The following IMPG1 variants were observed in gnomAD, a reference collection of about 807,000 sequenced individuals.
IMPG1 encodes interphotoreceptor matrix proteoglycan 1, also known as interphotoreceptor matrix proteoglycan of 150 kDa.
Under a neutral mutation model 92.0 loss-of-function variants are expected in IMPG1, and 85 were observed. That is an observed-to-expected ratio of 0.92 (90% confidence interval 0.78 to 1.11). The LOEUF (loss-of-function observed/expected upper bound fraction) is 1.11, where lower values mean the gene tolerates loss of function less well. Among genes scored for constraint, IMPG1 ranks in the 50% least tolerant of loss-of-function variants. The pLI is 0.00. For missense variants in IMPG1, 1,022 were observed against 956.0 expected (o/e 1.07, Z -0.91); for synonymous variants, 367 against 334.1 (o/e 1.10, Z -1.08).
In IMPG1 at chr6:75,950,558, T is replaced by C; in HGVS notation, c.1824+4A>G. 6.3e-7 allele frequency: 1 copy of C among 1,597,956 alleles called. No homozygotes were observed. The highest frequency in any genetic ancestry group is 1.1e-5 in the South Asian group (1 of 88,124). ...ATTGGGAATTGTGAGCAGTGCCCACTCACCAGCTGTGTGAATTGTTGCTCC... is the reference window on the plus strand; with the variant it reads ...ATTGGGAATTGTGAGCAGTGCCCACCCACCAGCTGTGTGAATTGTTGCTCC... On this transcript the variant is annotated splice_donor_region_variant and intron_variant, in intron 13 of 16. Coordinates refer to ENST00000369950, the MANE Select transcript of IMPG1 (RefSeq NM_001563.4).
intron 12 of IMPG1, among the ~76,000 whole-genome samples, chr6:75,997,599 G>C (rs1452781828): frequency 6.6e-6 from 1 of 152,124 alleles, no homozygotes; most frequent in African/African-American, 2.4e-5. Context: ...TGCCTTACAC[G>C]TGAGGCTGTC....
At chr6:76,058,880 G>A (rs1008145236) in intron 1 of IMPG1, among the ~76,000 whole-genome samples, 15 of 152,192 alleles carry the variant, frequency 9.9e-5, no homozygotes, top group African/African-American at 3.4e-4. Context: ...TTTTCCTAGA[G>A]TGAGATTAAC....
At chr6:75,977,301 T>A (rs958846917) in intron 12 of IMPG1, among the ~76,000 whole-genome samples, 1 of 151,994 alleles carries the variant, frequency 6.6e-6, no homozygotes, top group Non-Finnish European at 1.5e-5. Flanking sequence ...GCTAAAGACT[T>A]AAGCCGCCAG....
chr6:75,926,817 GTA>G (rs1781561551), intron 15 of IMPG1, among the ~76,000 whole-genome samples: 1 of 106,116 alleles, frequency 9.4e-6, no homozygotes, highest in Admixed American at 9.8e-5. Flanking sequence ...AATATATGGA[GTA>G]TAGTTACAAA....
intron 12 of IMPG1, among the ~76,000 whole-genome samples, chr6:75,995,125 G>A (rs958487738): frequency 6.6e-6 from 1 of 152,098 alleles, no homozygotes; most frequent in Admixed American, 6.6e-5. Context: ...CAGAATTTAT[G>A]TTGGTTTTAA....
intron 1 of IMPG1, among the ~76,000 whole-genome samples, chr6:76,051,727 C>A (rs560158441): frequency 6.6e-6 from 1 of 152,224 alleles, no homozygotes; most frequent in South Asian, 2.1e-4. Flanking sequence ...TTTTACCTCC[C>A]AAACTGGCAT....
At chr6:76,061,512 G>T (rs541509108) in intron 1 of IMPG1, among the ~76,000 whole-genome samples, 2 of 152,284 alleles carry the variant, frequency 1.3e-5, no homozygotes, top group East Asian at 3.9e-4. Flanking sequence ...AATAGTAAAG[G>T]ATTGGCAAGA....
At chr6:76,017,380 G>A (rs932962092) in intron 7 of IMPG1, among the ~76,000 whole-genome samples, 1 of 151,964 alleles carries the variant, frequency 6.6e-6, no homozygotes, top group Non-Finnish European at 1.5e-5. Context: ...TTGATGACAT[G>A]GACAATATAA....
At chr6:76,031,425 A>G (rs71561451) in intron 4 of IMPG1, among the ~76,000 whole-genome samples, 1 of 152,204 alleles carries the variant, frequency 6.6e-6, no homozygotes, top group Non-Finnish European at 1.5e-5. Flanking sequence ...GTTAATGTGT[A>G]ATATACAAAA....
intron 1 of IMPG1, among the ~76,000 whole-genome samples, chr6:76,053,271 A>G (rs568615986): frequency 1.8e-4 from 27 of 152,300 alleles, no homozygotes; most frequent in African/African-American, 6.5e-4. Context: ...GAGCAACACT[A>G]TGCTTTCCAG....
chr6:75,936,972 G>C (rs958656738), intron 14 of IMPG1, among the ~76,000 whole-genome samples: 3 of 152,226 alleles, frequency 2.0e-5, no homozygotes, highest in Non-Finnish European at 4.4e-5. Context: ...ACCCTGGAGA[G>C]AGGTGAAGTG....
Position 75,982,541 on chromosome 6 carries a change from A to ATATCTATCTATCTATCTATC in IMPG1, c.1291+20357_1291+20376dup, listed in dbSNP as rs145538984. On this transcript the variant is annotated intron_variant, in intron 12 of 16. Coordinates refer to ENST00000369950, the MANE Select transcript of IMPG1 (RefSeq NM_001563.4). ...ACTCTATCTTAAAAAAAAAATGTGTATATCTATCTATCTATCTATCTATAT... is the reference window on the plus strand; with the variant it reads ...ACTCTATCTTAAAAAAAAAATGTGTATATCTATCTATCTATCTATCTATCTATCTATCTATCTATCTATAT... 5.0e-3 allele frequency among the ~76,000 whole-genome samples: 740 copies of ATATCTATCTATCTATCTATC among 146,692 alleles called. 8 individuals carry two copies. The highest frequency in any genetic ancestry group is 0.017 in the African/African-American group (686 of 39,624).
chr6:76,004,977 A>G (rs1783066480), intron 10 of IMPG1, among the ~76,000 whole-genome samples: 1 of 152,126 alleles, frequency 6.6e-6, no homozygotes, highest in Non-Finnish European at 1.5e-5. Flanking sequence ...ATATGTTTTG[A>G]TTGTGCCAGG....
intron 1 of IMPG1, among the ~76,000 whole-genome samples, chr6:76,049,506 T>G (rs997255564): frequency 6.6e-6 from 1 of 152,158 alleles, no homozygotes; most frequent in African/African-American, 2.4e-5. Context: ...CTTTATATTT[T>G]AGTATTTGTG....
At chr6:75,961,405 C>A (rs1369452237) in intron 12 of IMPG1, among the ~76,000 whole-genome samples, 1 of 152,158 alleles carries the variant, frequency 6.6e-6, no homozygotes, top group Non-Finnish European at 1.5e-5. Context: ...ATTATCCACT[C>A]ATTCAACAAA....
intron 1 of IMPG1, among the ~76,000 whole-genome samples, chr6:76,055,255 G>A (rs75675531): frequency 3.3e-5 from 5 of 152,036 alleles, no homozygotes; most frequent in African/African-American, 1.2e-4. Flanking sequence ...AGAAATTAGT[G>A]TGAAAAACAA....
chr6:75,925,170 C>T (rs1320717580), intron 15 of IMPG1, among the ~76,000 whole-genome samples: 2 of 151,782 alleles, frequency 1.3e-5, no homozygotes, highest in African/African-American at 4.8e-5. Context: ...TGCTAATTAC[C>T]CTGATTTGAT....
At chr6:75,929,844 A>G (rs1781634346) in intron 15 of IMPG1, among the ~76,000 whole-genome samples, 1 of 152,004 alleles carries the variant, frequency 6.6e-6, no homozygotes, top group African/African-American at 2.4e-5. Context: ...AGGGGTCCAA[A>G]TTCATTCTTT....
At chr6:75,995,945 C>T (rs1228595622) in intron 12 of IMPG1, among the ~76,000 whole-genome samples, 1 of 152,258 alleles carries the variant, frequency 6.6e-6, no homozygotes, top group African/African-American at 2.4e-5. Context: ...TGTTCACCAA[C>T]TTATCCCCTG....
Sources: gnomAD v4.1 joint callset for allele counts (sites outside exome capture counted in the v4.1 genomes callset) on GRCh38, gnomAD v4.1.1 for gene constraint, MANE v1.5 for transcripts, NCBI Gene and HGNC (gene_info 2026-07-23, HGNC 2026-07-21) for gene names.